The following PALLD variants were observed in gnomAD, a reference collection of about 807,000 sequenced individuals.
The protein encoded by PALLD is palladin, cytoskeletal associated protein, also known as palladin.
In PALLD, 61 loss-of-function variants were observed where a neutral mutation model predicts 123.5. That is an observed-to-expected ratio of 0.49 (90% CI 0.40 to 0.61). PALLD has a LOEUF of 0.61. Among genes scored for constraint, PALLD ranks in the 20% least tolerant of loss-of-function variants. PALLD has a pLI of 0.00. For synonymous variants in PALLD, 465 were observed against 496.4 expected (o/e 0.94, Z 0.84); for missense variants, 1,273 against 1,377.0 (o/e 0.92, Z 1.20).
intron 10 of PALLD, among the ~76,000 whole-genome samples, chr4:168,830,535 A>G (rs1744058643): frequency 6.6e-6 from 1 of 152,138 alleles, no homozygotes; most frequent in Non-Finnish European, 1.5e-5. Flanking sequence ...GTCTCAAAAA[A>G]AAAAAAGTTA....
chr4:168,849,831 CA>C (rs1384257286), intron 10 of PALLD, among the ~76,000 whole-genome samples: 79 of 152,024 alleles, frequency 5.2e-4, no homozygotes, highest in African/African-American at 1.7e-3. Context: ...CTGGCTGCAT[CA>C]GGGGGCTCAT....
At chr4:168,585,878 A>G (rs1198716564) in intron 2 of PALLD, among the ~76,000 whole-genome samples, 1 of 152,212 alleles carries the variant, frequency 6.6e-6, no homozygotes, top group African/African-American at 2.4e-5. Flanking sequence ...ATGACATATT[A>G]AAGTATTGGA....
chr4:168,523,243 A>T (rs1160971001), intron 2 of PALLD, among the ~76,000 whole-genome samples: 1 of 68,938 alleles, frequency 1.5e-5, no homozygotes, highest in African/African-American at 6.1e-5. Context: ...AGGGGAGGGG[A>T]GGGGAGGGTA....
intron 18 of PALLD, among the ~76,000 whole-genome samples, chr4:168,922,141 A>G (rs1444171354): frequency 6.8e-6 from 1 of 147,766 alleles, no homozygotes; most frequent in East Asian, 2.0e-4. Flanking sequence ...ACACACACAC[A>G]CACCTGGTTT....
intron 10 of PALLD, among the ~76,000 whole-genome samples, chr4:168,887,744 AT>A (rs1361501296): frequency 6.6e-6 from 1 of 152,088 alleles, no homozygotes; most frequent in Non-Finnish European, 1.5e-5. Flanking sequence ...AAATTGTATA[AT>A]TTTTACTTGT....
At chr4:168,670,765 CAAAA>C (rs367710328) in intron 3 of PALLD, among the ~76,000 whole-genome samples, 39,824 of 109,174 alleles carry the variant, frequency 0.36, 8,104 homozygotes, top group African/African-American at 0.47. Context: ...ACAAAAAAAA[CAAAA>C]AAAAACAAAA....
intron 8 of PALLD, among the ~76,000 whole-genome samples, chr4:168,706,021 A>G (rs1784194046): frequency 6.6e-6 from 1 of 152,190 alleles, no homozygotes; most frequent in Admixed American, 6.5e-5. Context: ...AAAGAAACAT[A>G]TAACATGAAA....
At chr4:168,812,300 G>C (rs1356628000) in intron 10 of PALLD, among the ~76,000 whole-genome samples, 1 of 152,170 alleles carries the variant, frequency 6.6e-6, no homozygotes, top group Non-Finnish European at 1.5e-5. Flanking sequence ...CAGACGATTA[G>C]TAAGGGGTAT....
intron 2 of PALLD, among the ~76,000 whole-genome samples, chr4:168,522,635 G>A (rs1413471919): frequency 1.3e-5 from 2 of 152,262 alleles, no homozygotes; most frequent in Middle Eastern, 3.4e-3. Context: ...TTCTTTTGAC[G>A]TTTTGGAGTT....
At chr4:168,521,275 G>C (rs1020424645) in intron 2 of PALLD, among the ~76,000 whole-genome samples, 1 of 152,062 alleles carries the variant, frequency 6.6e-6, no homozygotes, top group African/African-American at 2.4e-5. Context: ...CATCAGAAGC[G>C]CTTAGTGGTG....
intron 10 of PALLD, among the ~76,000 whole-genome samples, chr4:168,718,963 A>C (rs1348786932): frequency 1.4e-5 from 2 of 146,316 alleles, no homozygotes; most frequent in African/African-American, 5.1e-5. Context: ...GCTGGAGTGC[A>C]GTGGCATGAC....
intron 2 of PALLD, among the ~76,000 whole-genome samples, chr4:168,640,809 T>G (rs949071234): frequency 6.6e-6 from 1 of 152,272 alleles, no homozygotes; most frequent in Non-Finnish European, 1.5e-5. Context: ...TTAGTACTTA[T>G]GTTTCCTGTC....
chr4:168,794,417 G>A (rs745984549), intron 10 of PALLD, among the ~76,000 whole-genome samples: 8 of 151,340 alleles, frequency 5.3e-5, no homozygotes, highest in Admixed American at 2.0e-4. Context: ...ACACACATGC[G>A]CACACGCATG....
intron 2 of PALLD, among the ~76,000 whole-genome samples, chr4:168,567,283 C>T (rs574881815): frequency 2.4e-4 from 36 of 151,908 alleles, no homozygotes; most frequent in African/African-American, 6.0e-4. Flanking sequence ...ATCTGACAAA[C>T]GACTAATAAT....
chr4:168,725,687 C>T (rs183844783), intron 10 of PALLD, among the ~76,000 whole-genome samples: 10 of 151,812 alleles, frequency 6.6e-5, no homozygotes, highest in South Asian at 6.2e-4. Context: ...CCACCACGCC[C>T]GGCTAATTTT....
intron 18 of PALLD, 138 bp from the exon 19 acceptor site, chr4:168,924,117 G>A: frequency 1.4e-6 from 1 of 707,742 alleles, no homozygotes; most frequent in Admixed American, 2.3e-5. Flanking sequence ...TTTGGAGAGG[G>A]GACTAGCATC....
chr4:168,654,867 C>T (rs1238544302), intron 2 of PALLD: 1 of 152,134 alleles, frequency 6.6e-6, no homozygotes, highest in East Asian at 1.9e-4. Flanking sequence ...TAGAGAATTA[C>T]CTGTGTAACT....
intron 10 of PALLD, among the ~76,000 whole-genome samples, chr4:168,769,063 T>C (rs1197693827): frequency 6.6e-6 from 1 of 152,250 alleles, no homozygotes; most frequent in African/African-American, 2.4e-5. Context: ...GACCTCGTGA[T>C]CCGCCCCCGT....
At chr4:168,868,748 A>G (rs1424764116) in intron 10 of PALLD, among the ~76,000 whole-genome samples, 1 of 152,216 alleles carries the variant, frequency 6.6e-6, no homozygotes, top group Non-Finnish European at 1.5e-5. Context: ...ACACAAGGGA[A>G]CTGTTTCCTC....
Sources: gnomAD v4.1 joint callset for allele counts (sites outside exome capture counted in the v4.1 genomes callset) on GRCh38, gnomAD v4.1.1 for gene constraint, MANE v1.5 for transcripts, NCBI Gene and HGNC (gene_info 2026-07-23, HGNC 2026-07-21) for gene names.